CDK5RAP2: variants seen among roughly 807,000 people sequenced by gnomAD.
CDK5RAP2 encodes the protein CDK5 regulatory subunit associated protein 2, also known as CDK5 regulatory subunit-associated protein 2.
CDK5RAP2 carries 147 observed loss-of-function variants against 232.9 expected under a neutral mutation model. The ratio of observed to expected loss-of-function variants is 0.63; its 90% CI spans 0.55 to 0.72. The LOEUF (loss-of-function observed/expected upper bound fraction) is 0.72. Ranked by LOEUF, CDK5RAP2 falls within the 30% of genes least tolerant of loss-of-function variation. The pLI is 0.00. For missense variants in CDK5RAP2, 2,195 were observed against 2,231.5 expected, an observed-to-expected ratio of 0.98 and a Z score of 0.33; for synonymous variants, 833 against 833.7, an observed-to-expected ratio of 1.00 and a Z score of 0.01.
At chr9:120,529,240 A>G (rs1250448711) in intron 8 of CDK5RAP2, among the ~76,000 whole-genome samples, 5 of 152,234 alleles carry the variant, frequency 3.3e-5, no homozygotes, top group African/African-American at 9.6e-5. Context: ...GAACATCCCC[A>G]ATGTGAACAT....
chr9:120,540,370 T>TA (rs1190959345), intron 5 of CDK5RAP2, among the ~76,000 whole-genome samples: 1 of 152,144 alleles, frequency 6.6e-6, no homozygotes, highest in African/African-American at 2.4e-5. Flanking sequence ...TGCCCTACTT[T>TA]AAAGATACAT....
At chr9:120,413,743 TA>T (rs1388625370) in intron 28 of CDK5RAP2, among the ~76,000 whole-genome samples, 1 of 150,814 alleles carries the variant, frequency 6.6e-6, no homozygotes, top group East Asian at 2.0e-4. Context: ...ATACAACTAA[TA>T]ACTCAGATCA....
In CDK5RAP2 at chr9:120,579,995, ACAGCGTTGGTGTCTGTGGCGG is replaced by A. The variant is rs746283011; in HGVS notation, c.-38_-18del. 2.6e-5 allele frequency: 41 copies of A among 1,589,900 alleles called. No individual in the cohort carries two copies. The highest frequency in any genetic ancestry group is 3.5e-5 in the Non-Finnish European group (40 of 1,158,694). Reference sequence around the variant, plus strand: ...GTCCATCATGGCTACAGAGGTGGCGACAGCGTTGGTGTCTGTGGCGGCGGCGCCACTAGTACCCCCCGCGAT... The same window carrying A: ...GTCCATCATGGCTACAGAGGTGGCGACGGCGCCACTAGTACCCCCCGCGAT... On this transcript the variant is annotated 5_prime_UTR_variant, in exon 1 of 38. Transcript: ENST00000349780.
chr9:120,558,345 C>G (rs11790337), intron 3 of CDK5RAP2, among the ~76,000 whole-genome samples: 8,834 of 109,422 alleles, frequency 0.081, 495 homozygotes, highest in East Asian at 0.33. Flanking sequence ...TGCACTCCAG[C>G]CTGGCGACAG....
At position 120,518,551 on chromosome 9, in the gene CDK5RAP2, C is replaced by G; in HGVS notation, c.1187G>C (p.Arg396Thr). The G allele has an allele frequency of 1.2e-6, 2 of 1,613,862 alleles. No individual in the cohort carries two copies. Among genetic ancestry groups the G allele is most frequent in the South Asian group, 1.1e-5 (1 of 91,002 alleles). Residue 396 changes from arginine (R) to threonine (T), a missense_variant, in exon 12 of 38, where the codon AGA becomes ACA. Coordinates refer to ENST00000349780, the MANE Select transcript of CDK5RAP2 (RefSeq NM_018249.6). ...QNLTKSTENHRLRRSIKKITQ... is the reference protein window; with the variant it reads ...QNLTKSTENHTLRRSIKKITQ... ...GATCTTCTTAATGCTTCTACGCAGT[C>G]TGTGGTTCTCTGTACTCTTGGTGAG...
In CDK5RAP2 at chr9:120,477,503, A is replaced by G. The variant is rs2038079730; in HGVS notation, c.1627-53T>C. On this transcript the variant is annotated intron_variant, in intron 14 of 37. Transcript: ENST00000349780. ...TAAGGAAAGAATTTTGAAAGAGTAC[A>G]TCCTTATATTATGCAAACATATGTA... is the stretch of plus-strand genomic sequence containing the variant. 3 of 1,302,760 alleles carry G rather than the reference A, an allele frequency of 2.3e-6. No individual in the cohort carries two copies. In the South Asian group the frequency reaches 3.5e-5, roughly 15 times the overall value. The allele number at this position is 1,302,760 out of a possible 1,614,324, so 80.7% of individuals were successfully genotyped here.
rs543018492 is a variant in CDK5RAP2 at position 120,470,869 on chromosome 9, A to G, written c.1859-649T>C. Among the ~76,000 whole-genome samples, 18 of 152,318 alleles carry G rather than the reference A, an allele frequency of 1.2e-4. No homozygotes were observed. In the South Asian group the frequency reaches 3.5e-3, roughly 30 times the overall value. On this transcript the variant is annotated intron_variant, in intron 16 of 37. Transcript: ENST00000349780. ...AAGGCATATCCACAAACAGTATCTC[A>G]TTTAACACACACGTGTAAGAGCTGA... is the stretch of plus-strand genomic sequence containing the variant.
intron 12 of CDK5RAP2, among the ~76,000 whole-genome samples, chr9:120,496,516 G>T (rs1588486072): frequency 1.4e-5 from 2 of 143,448 alleles, no homozygotes. Context: ...GAGGTGGGGG[G>T]GTCGGCCCCC....
At chr9:120,520,809 A>C (rs56373424) in intron 11 of CDK5RAP2, among the ~76,000 whole-genome samples, 44,229 of 60,210 alleles carry the variant, frequency 0.73, 18,145 homozygotes, top group Non-Finnish European at 0.87. Flanking sequence ...ATCTCATGAG[A>C]TATATCTCAT....
chr9:120,448,593 T>C (rs891674425), intron 21 of CDK5RAP2, among the ~76,000 whole-genome samples: 1 of 152,126 alleles, frequency 6.6e-6, no homozygotes, highest in Non-Finnish European at 1.5e-5. Flanking sequence ...CCCAGACATC[T>C]TCATTTGTAG....
intron 20 of CDK5RAP2, among the ~76,000 whole-genome samples, chr9:120,455,570 A>G (rs888540559): frequency 3.3e-5 from 5 of 151,840 alleles, no homozygotes; most frequent in Non-Finnish European, 5.9e-5. Flanking sequence ...GTGAAACCCT[A>G]TCTCTACAAA....
At chr9:120,530,733 C>T (rs915756583) in intron 7 of CDK5RAP2, among the ~76,000 whole-genome samples, 1 of 151,730 alleles carries the variant, frequency 6.6e-6, no homozygotes, top group Non-Finnish European at 1.5e-5. Flanking sequence ...TGGAAACCAT[C>T]ATTCTCAGCA....
At chr9:120,407,440 C>T (rs2282168) in intron 31 of CDK5RAP2, 192 bp from the exon 32 acceptor site, 7 of 620,500 alleles carry the variant, frequency 1.1e-5, no homozygotes, top group African/African-American at 3.7e-5. Context: ...CTATTCCACA[C>T]GCTAAATAAG....
chr9:120,438,276 T>C (rs1247546106), intron 24 of CDK5RAP2, among the ~76,000 whole-genome samples: 1 of 152,170 alleles, frequency 6.6e-6, no homozygotes, highest in African/African-American at 2.4e-5. Flanking sequence ...CTGGCCACAA[T>C]AACCTTGCTC....
intron 22 of CDK5RAP2, 45 bp from the exon 23 acceptor site, chr9:120,443,787 G>C: frequency 6.2e-7 from 1 of 1,611,746 alleles, no homozygotes; most frequent in Non-Finnish European, 8.5e-7. Context: ...AAAACCGTAA[G>C]ACCTGAAACT....
chr9:120,518,210 T>TGAGA (rs146336954), intron 12 of CDK5RAP2, among the ~76,000 whole-genome samples: 14 of 43,950 alleles, frequency 3.2e-4, no homozygotes, highest in African/African-American at 8.3e-4. Flanking sequence ...TGTGTGTGTG[T>TGAGA]GAGAGAGAGA....
In CDK5RAP2 at chr9:120,407,062, G is replaced by A; in HGVS notation, c.4913C>T (p.Ala1638Val). The A allele has an allele frequency of 2.5e-6, 4 of 1,614,166 alleles. No individual in the cohort carries two copies. The highest frequency in any genetic ancestry group is 3.4e-6 in the Non-Finnish European group (4 of 1,180,036). Residue 1638 changes from alanine (A) to valine (V), a missense_variant, in exon 32 of 38, where the codon GCT becomes GTT. Physicochemically the swap from Ala to Val is moderately conservative, Grantham distance 64 (BLOSUM62 0). Transcript: ENST00000349780. ...EKAQEGALTL[A>V]VQAVSIPEVP... ...CTCAGGGATGGACACGGCTTGGACA[G>A]CCAGAGTGAGGGCTCCTTCCTGTGC...
intron 1 of CDK5RAP2, among the ~76,000 whole-genome samples, chr9:120,576,069 T>TA (rs2043021560): frequency 6.6e-6 from 1 of 152,238 alleles, no homozygotes; most frequent in Non-Finnish European, 1.5e-5. Flanking sequence ...TGCAACCTAC[T>TA]AAATTGAATT....
Position 120,403,772 on chromosome 9 carries a change from G to A in CDK5RAP2, c.5041+264C>T. On this transcript the variant is annotated intron_variant, in intron 33 of 37. Coordinates refer to ENST00000349780, the MANE Select transcript of CDK5RAP2 (RefSeq NM_018249.6). This position sits in a 1 kb window ranked among gnomAD's most constrained non-coding sequence, Gnocchi z 4.2. ...GACCCACTGGAGCTGGATCCTGGAG[G>A]GCCTTGAAAGCCTCACAAAGGTGGT... 2.0e-6 allele frequency: 1 copy of A among 512,264 alleles called. No homozygotes were observed. Among genetic ancestry groups the A allele is most frequent in the East Asian group, 3.6e-5 (1 of 27,650 alleles). The allele number at this position is 512,264 out of a possible 1,614,324, so 31.7% of individuals were successfully genotyped here.
Sources: gnomAD v4.1 joint callset for allele counts (sites outside exome capture counted in the v4.1 genomes callset) on GRCh38, gnomAD v4.1.1 for gene constraint, Gnocchi (gnomAD v3.1) non-coding constraint, MANE v1.5 for transcripts, NCBI Gene and HGNC (gene_info 2026-07-23, HGNC 2026-07-21) for gene names.